The following PCDH7 variants were observed in gnomAD, a reference collection of about 807,000 sequenced individuals.
PCDH7 encodes the protein protocadherin-7.
Under a neutral mutation model 58.9 loss-of-function variants are expected in PCDH7, and 17 were observed. That is an observed-to-expected ratio of 0.29 (90% CI 0.20 to 0.43). The LOEUF (loss-of-function observed/expected upper bound fraction) is 0.43, where lower values mean the gene tolerates loss of function less well. PCDH7 is among the 20% of genes least tolerant of loss of function. The pLI is 1.00. For missense variants in PCDH7, 1,274 were observed against 1,441.0 expected, an observed-to-expected ratio of 0.88 and a Z score of 1.88; for synonymous variants, 664 against 616.4, an observed-to-expected ratio of 1.08 and a Z score of -1.14.
chr4:30,783,908 G>A (rs1002598636), intron 1 of PCDH7, among the ~76,000 whole-genome samples: 4 of 152,094 alleles, frequency 2.6e-5, no homozygotes, highest in African/African-American at 9.7e-5. Context: ...AGCTGCTCAA[G>A]GAATGATGTG....
At chr4:30,835,526 C>A (rs556408014) in intron 1 of PCDH7, among the ~76,000 whole-genome samples, 7 of 152,080 alleles carry the variant, frequency 4.6e-5, no homozygotes, top group Non-Finnish European at 8.8e-5. Flanking sequence ...GAAACCGGGT[C>A]CCTGATGCCA....
At chr4:30,949,924 A>G (rs991339970) in intron 2 of PCDH7, among the ~76,000 whole-genome samples, 70 of 152,280 alleles carry the variant, frequency 4.6e-4, no homozygotes, top group African/African-American at 1.6e-3. Flanking sequence ...TAGTTGAAAG[A>G]CTGTTCAAAT....
chr4:30,770,245 A>C (rs1472962968), intron 1 of PCDH7, among the ~76,000 whole-genome samples: 2 of 152,246 alleles, frequency 1.3e-5, no homozygotes, highest in African/African-American at 4.8e-5. Flanking sequence ...AGATTCCACC[A>C]GTGCTACTAA....
chr4:30,903,661 T>C (rs1740518588), intron 1 of PCDH7, among the ~76,000 whole-genome samples: 1 of 152,086 alleles, frequency 6.6e-6, no homozygotes, highest in Non-Finnish European at 1.5e-5. Flanking sequence ...AGAAATTGAG[T>C]GGCCAAAGAT....
chr4:31,083,177 G>T (rs1328764615), intron 3 of PCDH7, among the ~76,000 whole-genome samples: 2 of 152,006 alleles, frequency 1.3e-5, no homozygotes, highest in African/African-American at 2.4e-5. Context: ...CAGGGGGCAG[G>T]TGTACTAAAA....
At chr4:30,983,859 G>A (rs1750763635) in intron 3 of PCDH7, among the ~76,000 whole-genome samples, 1 of 152,178 alleles carries the variant, frequency 6.6e-6, no homozygotes, top group South Asian at 2.1e-4. Context: ...TAATAGCATT[G>A]TAAGAGTATA....
chr4:31,140,257 C>G (rs1720084071), intron 3 of PCDH7, among the ~76,000 whole-genome samples: 1 of 152,026 alleles, frequency 6.6e-6, no homozygotes, highest in Non-Finnish European at 1.5e-5. Context: ...GAATTTCAAA[C>G]TAAAAACACA....
At chr4:31,045,170 T>A (rs1756179975) in intron 3 of PCDH7, among the ~76,000 whole-genome samples, 1 of 152,066 alleles carries the variant, frequency 6.6e-6, no homozygotes, top group South Asian at 2.1e-4. Flanking sequence ...AAAATTAATT[T>A]GAGCTTTAGA....
At chr4:30,992,722 A>C (rs1751554177) in intron 3 of PCDH7, among the ~76,000 whole-genome samples, 1 of 152,016 alleles carries the variant, frequency 6.6e-6, no homozygotes, top group Non-Finnish European at 1.5e-5. Context: ...AATACATATA[A>C]CAAGCTCTTC....
chr4:30,860,045 G>T (rs2109353382), intron 1 of PCDH7, among the ~76,000 whole-genome samples: 1 of 152,270 alleles, frequency 6.6e-6, no homozygotes, highest in Admixed American at 6.5e-5. Context: ...ATCAGTCTTT[G>T]TTAGAGCACC....
At chr4:30,863,155 A>G (rs568619578) in intron 1 of PCDH7, among the ~76,000 whole-genome samples, 1 of 152,252 alleles carries the variant, frequency 6.6e-6, no homozygotes, top group South Asian at 2.1e-4. Flanking sequence ...CCTGGTGGTT[A>G]TGGAATAACT....
intron 3 of PCDH7, among the ~76,000 whole-genome samples, chr4:31,053,714 CGT>C (rs1756934282): frequency 6.6e-6 from 1 of 152,142 alleles, no homozygotes. Flanking sequence ...CTGTTCGTCA[CGT>C]ATATTATTGT....
At chr4:30,984,745 C>T (rs535902941) in intron 3 of PCDH7, among the ~76,000 whole-genome samples, 12 of 152,038 alleles carry the variant, frequency 7.9e-5, no homozygotes, top group African/African-American at 2.9e-4. Context: ...GAAGAGACCA[C>T]CATGGGCAAT....
chr4:30,961,510 C>T (rs188109016), intron 3 of PCDH7, among the ~76,000 whole-genome samples: 422 of 151,946 alleles, frequency 2.8e-3, no homozygotes, highest in Non-Finnish European at 4.5e-3. Context: ...CGAGATCGTG[C>T]CACTGCACTC....
At chr4:30,750,387 G>A (rs1718352300) in intron 1 of PCDH7, among the ~76,000 whole-genome samples, 1 of 151,996 alleles carries the variant, frequency 6.6e-6, no homozygotes, top group Admixed American at 6.6e-5. Flanking sequence ...CAACCTCCTG[G>A]GCATAGAACA....
At chr4:30,993,279 A>G (rs1019513955) in intron 3 of PCDH7, among the ~76,000 whole-genome samples, 9 of 152,200 alleles carry the variant, frequency 5.9e-5, no homozygotes, top group South Asian at 2.1e-4. Flanking sequence ...CCACATGGGT[A>G]GATACTGTGC....
intron 3 of PCDH7, among the ~76,000 whole-genome samples, chr4:30,979,291 A>C (rs1193491838): frequency 6.7e-6 from 1 of 148,608 alleles, no homozygotes; most frequent in Non-Finnish European, 1.5e-5. Context: ...GTGCCACTGC[A>C]CTCCAGCCTG....
intron 1 of PCDH7, among the ~76,000 whole-genome samples, chr4:30,812,243 CA>C (rs1727115658): frequency 6.6e-6 from 1 of 152,132 alleles, no homozygotes; most frequent in African/African-American, 2.4e-5. Context: ...GGGTAGGAGA[CA>C]GCACAGTTTT....
intron 3 of PCDH7, among the ~76,000 whole-genome samples, chr4:31,093,121 T>A (rs1713481546): frequency 6.6e-6 from 1 of 152,122 alleles, no homozygotes; most frequent in African/African-American, 2.4e-5. Flanking sequence ...ACATGGATGA[T>A]GTATCCTTAT....
Sources: allele counts gnomAD v4.1 joint callset (sites outside exome capture counted in the v4.1 genomes callset), GRCh38; gene constraint gnomAD v4.1.1; transcripts MANE v1.5; gene names NCBI Gene and HGNC (gene_info 2026-07-23, HGNC 2026-07-21).